CMTM8: variants seen among roughly 807,000 people sequenced by gnomAD.
The protein encoded by CMTM8 is CKLF like MARVEL transmembrane domain containing 8.
Under a neutral mutation model 18.6 loss-of-function variants are expected in CMTM8, and 12 were observed. That is an observed-to-expected ratio of 0.65 (90% CI 0.41 to 1.05). The LOEUF (loss-of-function observed/expected upper bound fraction) is 1.05. Among genes scored for constraint, CMTM8 ranks in the 50% least tolerant of loss-of-function variants. CMTM8 has a pLI of 0.00. For missense variants in CMTM8, 217 were observed against 227.2 expected, an observed-to-expected ratio of 0.95 and a Z score of 0.29; for synonymous variants, 87 against 90.6, an observed-to-expected ratio of 0.96 and a Z score of 0.23.
At chr3:32,258,056 G>C (rs570084761) in intron 1 of CMTM8, among the ~76,000 whole-genome samples, 8 of 152,030 alleles carry the variant, frequency 5.3e-5, no homozygotes, top group Non-Finnish European at 1.2e-4. Flanking sequence ...GAGGGAGGGG[G>C]GCTTTAAATG....
chr3:32,354,190 AAAAC>A (rs1385550021), intron 1 of CMTM8, among the ~76,000 whole-genome samples: 11 of 152,150 alleles, frequency 7.2e-5, no homozygotes, highest in African/African-American at 2.7e-4. Flanking sequence ...CTTATCAGGG[AAAAC>A]AAACAGTATT....
rs578073011 is a variant in CMTM8 at position 32,316,881 on chromosome 3, G to A, written c.148-40492G>A. Among the ~76,000 whole-genome samples the A allele has an allele frequency of 2.5e-4, 38 of 152,300 alleles. No homozygotes were observed. The South Asian group carries it at 7.7e-3, about 31-fold the overall frequency. The stretch of plus-strand genomic sequence containing the variant: ...ACTTGAAAGTCAATTTGCCAATATG[G>A]TAGATATCTTCCTATGATAGGAGGT... On this transcript the variant is annotated intron_variant, in intron 1 of 3. Coordinates refer to ENST00000307526, the MANE Select transcript of CMTM8 (RefSeq NM_178868.5).
At chr3:32,344,308 A>G (rs73824691) in intron 1 of CMTM8, among the ~76,000 whole-genome samples, 4,371 of 152,244 alleles carry the variant, frequency 0.029, 120 homozygotes, top group African/African-American at 0.065. Flanking sequence ...TTAATTGTCA[A>G]AAGTTACCTG....
intron 1 of CMTM8, among the ~76,000 whole-genome samples, chr3:32,321,158 G>A (rs1029856805): frequency 2.0e-5 from 3 of 151,576 alleles, no homozygotes; most frequent in African/African-American, 4.8e-5. Context: ...TCAGCGGTGT[G>A]CTTTCCTGGG....
intron 1 of CMTM8, among the ~76,000 whole-genome samples, chr3:32,308,981 A>G (rs1178364768): frequency 6.6e-6 from 1 of 152,160 alleles, no homozygotes; most frequent in African/African-American, 2.4e-5. Flanking sequence ...CTGTCTTCAG[A>G]CACCCATCGT....
chr3:32,282,991 T>C (rs769944634), intron 1 of CMTM8, among the ~76,000 whole-genome samples: 14 of 142,424 alleles, frequency 9.8e-5, no homozygotes, highest in Non-Finnish European at 2.2e-4. Flanking sequence ...TAGCATTTGT[T>C]ACCATCTGAT....
intron 1 of CMTM8, among the ~76,000 whole-genome samples, chr3:32,317,392 A>G (rs1225882877): frequency 6.6e-6 from 1 of 152,258 alleles, no homozygotes; most frequent in Admixed American, 6.5e-5. Flanking sequence ...AATGACATTT[A>G]GTAGGAAAAT....
chr3:32,250,024 A>G (rs963848010), intron 1 of CMTM8, among the ~76,000 whole-genome samples: 8 of 152,318 alleles, frequency 5.3e-5, no homozygotes, highest in African/African-American at 7.2e-5. Flanking sequence ...ATTTAGGTCT[A>G]TGATTCGTTT....
chr3:32,356,136 C>T (rs190487781), intron 1 of CMTM8, among the ~76,000 whole-genome samples: 4 of 152,342 alleles, frequency 2.6e-5, no homozygotes, highest in Admixed American at 2.6e-4. Context: ...ATTGTAGGTG[C>T]TCCCGTGTTA....
chr3:32,269,575 G>A (rs939153563), intron 1 of CMTM8, among the ~76,000 whole-genome samples: 7 of 151,524 alleles, frequency 4.6e-5, no homozygotes, highest in South Asian at 2.1e-4. Context: ...GCTAGCCTGT[G>A]GAACAAGAAC....
chr3:32,361,216 G>A (rs1195955322), intron 2 of CMTM8, among the ~76,000 whole-genome samples: 1 of 150,722 alleles, frequency 6.6e-6, no homozygotes, highest in African/African-American at 2.4e-5. Flanking sequence ...CCCCAACTCA[G>A]GTGATCCACC....
rs1201784153 is a variant in CMTM8, at chr3:32,358,805, A to AACAGCCTTGC, written c.321+1268_321+1269insCACAGCCTTG. ...CTTAATCACTGTCTAGGGTGGTGGA[A>AACAGCCTTGC]ACAGCCTTGTTAGAATTGGTGTTTT... On this transcript the variant is annotated intron_variant, in intron 2 of 3. Coordinates refer to ENST00000307526, the MANE Select transcript of CMTM8 (RefSeq NM_178868.5). This position sits in a 1 kb window ranked among gnomAD's most constrained non-coding sequence, Gnocchi z 4.1. 6.6e-6 allele frequency among the ~76,000 whole-genome samples: 1 copy of AACAGCCTTGC among 152,248 alleles called. No homozygotes were observed. The highest frequency in any genetic ancestry group is 1.5e-5 in the Non-Finnish European group (1 of 68,044).
intron 1 of CMTM8, among the ~76,000 whole-genome samples, chr3:32,347,251 G>C (rs1047584414): frequency 6.7e-6 from 1 of 148,170 alleles, no homozygotes; most frequent in African/African-American, 2.5e-5. Context: ...ATAATAGAGT[G>C]GGTTTGTTTT....
chr3:32,279,030 G>A (rs1702562787), intron 1 of CMTM8, among the ~76,000 whole-genome samples: 1 of 152,122 alleles, frequency 6.6e-6, no homozygotes, highest in Non-Finnish European at 1.5e-5. Context: ...GAGTTCAATA[G>A]ATAGCAGGAC....
chr3:32,366,102 G>A (rs1697027818), intron 2 of CMTM8, among the ~76,000 whole-genome samples: 1 of 152,132 alleles, frequency 6.6e-6, no homozygotes, highest in Non-Finnish European at 1.5e-5. Context: ...TGTTAAACAA[G>A]ACTAGGGAAG....
intron 1 of CMTM8, among the ~76,000 whole-genome samples, chr3:32,244,795 T>C (rs1179443783): frequency 6.6e-6 from 1 of 152,226 alleles, no homozygotes; most frequent in African/African-American, 2.4e-5. Context: ...TTTCCACATT[T>C]GTCCAGTGCT....
chr3:32,337,723 TAA>T (rs1375725015), intron 1 of CMTM8, among the ~76,000 whole-genome samples: 1 of 152,170 alleles, frequency 6.6e-6, no homozygotes, highest in Non-Finnish European at 1.5e-5. Context: ...GGGTGTGACC[TAA>T]AAGTCTGCAT....
intron 1 of CMTM8, among the ~76,000 whole-genome samples, chr3:32,315,395 G>A (rs1015575897): frequency 1.2e-4 from 18 of 152,326 alleles, no homozygotes; most frequent in African/African-American, 4.3e-4. Flanking sequence ...CTCCCAAAGT[G>A]CTGGGATTAC....
At chr3:32,325,553 C>T (rs1696133319) in intron 1 of CMTM8, among the ~76,000 whole-genome samples, 2 of 152,158 alleles carry the variant, frequency 1.3e-5, no homozygotes, top group Admixed American at 6.5e-5. Context: ...AACTATCTCA[C>T]GCCTCTGAGA....
Sources: allele counts gnomAD v4.1 joint callset (sites outside exome capture counted in the v4.1 genomes callset), GRCh38; gene constraint gnomAD v4.1.1; non-coding constraint Gnocchi (gnomAD v3.1); transcripts MANE v1.5; gene names NCBI Gene and HGNC (gene_info 2026-07-23, HGNC 2026-07-21).